CADM2: variants seen among roughly 807,000 people sequenced by gnomAD.
CADM2 encodes cell adhesion molecule 2, also known as immunoglobulin superfamily member 4D.
Under a neutral mutation model 49.8 loss-of-function variants are expected in CADM2, and 12 were observed. That is an observed-to-expected ratio of 0.24 (90% CI 0.15 to 0.39). The LOEUF (loss-of-function observed/expected upper bound fraction) is 0.39, where lower values mean the gene tolerates loss of function less well. Among genes scored for constraint, CADM2 ranks in the 10% least tolerant of loss-of-function variants. The pLI is 1.00. For synonymous variants in CADM2, 214 were observed against 175.4 expected (o/e 1.22, Z -1.74); for missense variants, 378 against 492.3 (o/e 0.77, Z 2.20).
chr3:85,997,798 C>A (rs1416950385), intron 8 of CADM2, among the ~76,000 whole-genome samples: 1 of 152,140 alleles, frequency 6.6e-6, no homozygotes, highest in Non-Finnish European at 1.5e-5. Flanking sequence ...GCTGACTTTG[C>A]AGCAGGTTCT....
At chr3:85,929,540 T>A (rs538002269) in intron 6 of CADM2, among the ~76,000 whole-genome samples, 7 of 152,160 alleles carry the variant, frequency 4.6e-5, no homozygotes, top group African/African-American at 1.7e-4. Flanking sequence ...ATTAAGTGCA[T>A]AAATTTAAGA....
At chr3:85,818,526 C>T (rs1027669148) in intron 3 of CADM2, among the ~76,000 whole-genome samples, 5 of 152,134 alleles carry the variant, frequency 3.3e-5, no homozygotes, top group Non-Finnish European at 7.3e-5. Context: ...TTGTTTATTA[C>T]CTCCTCACTA....
intron 1 of CADM2, among the ~76,000 whole-genome samples, chr3:85,610,070 A>G (rs1159939632): frequency 1.3e-5 from 2 of 152,000 alleles, no homozygotes; most frequent in Admixed American, 6.6e-5. Flanking sequence ...TGATATGTAT[A>G]TTTTATTTGG....
chr3:84,970,155 C>A (rs1442525082), intron 1 of CADM2, among the ~76,000 whole-genome samples: 3 of 145,056 alleles, frequency 2.1e-5, no homozygotes, highest in African/African-American at 7.7e-5. Context: ...GGAAGAGATT[C>A]TGTCAGTATT....
chr3:85,914,800 G>A (rs906774783), intron 6 of CADM2, among the ~76,000 whole-genome samples: 11 of 152,142 alleles, frequency 7.2e-5, no homozygotes, highest in Admixed American at 1.3e-4. Context: ...GGCTTGTGCC[G>A]GCTATTCTAA....
At chr3:85,523,538 A>G (rs2061079268) in intron 1 of CADM2, among the ~76,000 whole-genome samples, 1 of 152,132 alleles carries the variant, frequency 6.6e-6, no homozygotes, top group African/African-American at 2.4e-5. Context: ...ATTGGCAAGG[A>G]AAAGGATTCC....
At chr3:85,782,053 T>A (rs1031302435) in intron 2 of CADM2, among the ~76,000 whole-genome samples, 1 of 152,200 alleles carries the variant, frequency 6.6e-6, no homozygotes, top group African/African-American at 2.4e-5. Flanking sequence ...AAACATGGCT[T>A]TTGCCCAGCA....
intron 1 of CADM2, among the ~76,000 whole-genome samples, chr3:85,563,991 A>C (rs958238150): frequency 7.2e-5 from 11 of 152,102 alleles, no homozygotes; most frequent in Admixed American, 7.2e-4. Context: ...TTTCCTGAAT[A>C]CCTTTAGCAA....
chr3:85,338,185 G>A (rs1043047973), intron 1 of CADM2, among the ~76,000 whole-genome samples: 1 of 151,548 alleles, frequency 6.6e-6, no homozygotes, highest in African/African-American at 2.4e-5. Context: ...GGAACAGCAA[G>A]CCTTATCAGC....
intron 1 of CADM2, among the ~76,000 whole-genome samples, chr3:85,161,289 G>A (rs1475534566): frequency 1.3e-5 from 2 of 152,162 alleles, no homozygotes; most frequent in African/African-American, 4.8e-5. Flanking sequence ...AATTTGGTGG[G>A]TGAGGATGTG....
chr3:85,025,051 T>A (rs2034667091), intron 1 of CADM2, among the ~76,000 whole-genome samples: 1 of 152,118 alleles, frequency 6.6e-6, no homozygotes, highest in Non-Finnish European at 1.5e-5. Flanking sequence ...CTATAACTAA[T>A]TAAAACTAAC....
intron 1 of CADM2, among the ~76,000 whole-genome samples, chr3:85,515,445 A>G (rs1482942732): frequency 1.5e-5 from 2 of 136,788 alleles, no homozygotes; most frequent in Non-Finnish European, 3.2e-5. Context: ...TTATTATTAT[A>G]TGGAGTCTGG....
chr3:86,057,668 G>A (rs189810360), intron 8 of CADM2, among the ~76,000 whole-genome samples: 73 of 152,274 alleles, frequency 4.8e-4, no homozygotes, highest in South Asian at 1.2e-3. Context: ...TAATCTGGAG[G>A]AGTAAACTCC....
intron 1 of CADM2, among the ~76,000 whole-genome samples, chr3:85,611,229 T>C (rs927436672): frequency 7.5e-5 from 11 of 145,710 alleles, no homozygotes; most frequent in Admixed American, 7.2e-4. Context: ...GTTTAATCAT[T>C]AGTCATGTAT....
At chr3:85,385,347 G>A (rs574751648) in intron 1 of CADM2, among the ~76,000 whole-genome samples, 2 of 152,348 alleles carry the variant, frequency 1.3e-5, no homozygotes, top group South Asian at 2.1e-4. Context: ...TTGTTTGGGA[G>A]GAGAGTGAGC....
chr3:85,061,599 C>T (rs2036318606), intron 1 of CADM2, among the ~76,000 whole-genome samples: 1 of 151,976 alleles, frequency 6.6e-6, no homozygotes, highest in Non-Finnish European at 1.5e-5. Context: ...GCCTGTGAAC[C>T]AATTACAGTT....
intron 7 of CADM2, among the ~76,000 whole-genome samples, chr3:85,940,345 A>T (rs1472223419): frequency 6.6e-6 from 1 of 151,896 alleles, no homozygotes; most frequent in Non-Finnish European, 1.5e-5. Flanking sequence ...ATCCAAAAAA[A>T]ATTACAGCAA....
At chr3:85,818,532 C>G (rs2073357792) in intron 3 of CADM2, among the ~76,000 whole-genome samples, 1 of 152,166 alleles carries the variant, frequency 6.6e-6, no homozygotes, top group African/African-American at 2.4e-5. Flanking sequence ...ATTACCTCCT[C>G]ACTAAATACT....
At chr3:85,172,341 A>G (rs1253504249) in intron 1 of CADM2, among the ~76,000 whole-genome samples, 1 of 152,254 alleles carries the variant, frequency 6.6e-6, no homozygotes, top group East Asian at 1.9e-4. Context: ...ACTTATTAGC[A>G]AAGTAATATG....
Sources: allele counts gnomAD v4.1 joint callset (sites outside exome capture counted in the v4.1 genomes callset), GRCh38; gene constraint gnomAD v4.1.1; transcripts MANE v1.5; gene names NCBI Gene and HGNC (gene_info 2026-07-23, HGNC 2026-07-21).